The following UST variants were observed in gnomAD, a reference collection of about 807,000 sequenced individuals.
UST encodes the protein chondroitin sulfate 2-O-sulfotransferase.
Under a neutral mutation model 45.6 loss-of-function variants are expected in UST, and 21 were observed. The ratio of observed to expected loss-of-function variants is 0.46; its 90% confidence interval spans 0.33 to 0.66. The LOEUF (loss-of-function observed/expected upper bound fraction) is 0.66. Ranked by LOEUF, UST falls within the 30% of genes least tolerant of loss-of-function variation. The pLI is 0.02. For synonymous variants in UST, 215 were observed against 200.6 expected (o/e 1.07, Z -0.61); for missense variants, 463 against 512.4 (o/e 0.90, Z 0.93).
rs533193534 is a variant in UST, at chr6:148,908,898, T to G, written c.291+21869T>G. Among the ~76,000 whole-genome samples, 13 of 152,166 alleles carry G rather than the reference T, an allele frequency of 8.5e-5. No individual in the cohort carries two copies. In the South Asian group the frequency reaches 2.7e-3, roughly 32 times the overall value. ...TTTATTGGAGGTCTGAGAACTTAAA[T>G]TAGTCTATCAGTTCATGTGAATCTC... On this transcript the variant is annotated intron_variant, in intron 2 of 7. Transcript: ENST00000367463.
intron 1 of UST, among the ~76,000 whole-genome samples, chr6:148,873,672 C>T (rs116384616): frequency 0.012 from 1,855 of 152,274 alleles, 40 homozygotes; most frequent in African/African-American, 0.042. Flanking sequence ...CCCAGGACCT[C>T]CTGATGATTA....
At chr6:148,853,105 T>C (rs1778136740) in intron 1 of UST, among the ~76,000 whole-genome samples, 1 of 152,040 alleles carries the variant, frequency 6.6e-6, no homozygotes, top group South Asian at 2.1e-4. Context: ...TTCCTGATGC[T>C]CTCCCTCCCT....
chr6:148,905,257 C>T (rs189220572), intron 2 of UST, among the ~76,000 whole-genome samples: 88 of 152,296 alleles, frequency 5.8e-4, no homozygotes, highest in Non-Finnish European at 1.1e-3. Context: ...TGACACCCTG[C>T]GAATGAACCC....
At chr6:148,963,218 A>T (rs1478656390) in intron 4 of UST, among the ~76,000 whole-genome samples, 1 of 152,130 alleles carries the variant, frequency 6.6e-6, no homozygotes, top group Non-Finnish European at 1.5e-5. Flanking sequence ...AGCTGGGGAG[A>T]GGCAGGAGCG....
At chr6:149,047,823 T>A (rs1486458958) in intron 7 of UST, among the ~76,000 whole-genome samples, 1 of 152,054 alleles carries the variant, frequency 6.6e-6, no homozygotes, top group Non-Finnish European at 1.5e-5. Flanking sequence ...CTGGAAAAAA[T>A]AAACAAGTGA....
chr6:148,789,152 T>C (rs1295362489), intron 1 of UST, among the ~76,000 whole-genome samples: 1 of 152,234 alleles, frequency 6.6e-6, no homozygotes, highest in Non-Finnish European at 1.5e-5. Flanking sequence ...TACTAGGTTC[T>C]TGGCACAATA....
rs916839369 is a variant in UST, at chr6:148,791,540, GA to G, written c.247+43869del. On this transcript the variant is annotated intron_variant, in intron 1 of 7. Transcript: ENST00000367463. Reference sequence around the variant, plus strand: ...TATTTCCACTCAATTGCTCACTGGGGAAAAAACAAACATGAGTTCTATTCTG... The same window carrying G: ...TATTTCCACTCAATTGCTCACTGGGGAAAAACAAACATGAGTTCTATTCTG... 2.6e-4 allele frequency among the ~76,000 whole-genome samples: 39 copies of G among 152,122 alleles called. 2 individuals are homozygous for G. Among genetic ancestry groups the G allele is most frequent in the Non-Finnish European group, 1.6e-4 (11 of 68,022 alleles).
At chr6:148,866,300 A>C (rs1458197511) in intron 1 of UST, among the ~76,000 whole-genome samples, 2 of 152,162 alleles carry the variant, frequency 1.3e-5, no homozygotes, top group African/African-American at 4.8e-5. Flanking sequence ...CCCCTTTATT[A>C]AATTGCTGAT....
chr6:149,049,679 C>T (rs1776450523), intron 7 of UST, among the ~76,000 whole-genome samples: 2 of 152,258 alleles, frequency 1.3e-5, no homozygotes, highest in African/African-American at 2.4e-5. Flanking sequence ...CTCTCTCTTC[C>T]GTGTTCTTTT....
At chr6:148,833,530 A>G (rs904089975) in intron 1 of UST, among the ~76,000 whole-genome samples, 1 of 152,222 alleles carries the variant, frequency 6.6e-6, no homozygotes. Flanking sequence ...TGGAACCTAT[A>G]GAAAGAAAAC....
chr6:148,904,843 C>G (rs1267352232), intron 2 of UST, among the ~76,000 whole-genome samples: 2 of 152,122 alleles, frequency 1.3e-5, no homozygotes, highest in Non-Finnish European at 2.9e-5. Context: ...TGGTTCTTGT[C>G]TCCAAAGCAT....
intron 7 of UST, among the ~76,000 whole-genome samples, chr6:149,031,383 A>C (rs1776138859): frequency 6.6e-6 from 1 of 152,222 alleles, no homozygotes; most frequent in Non-Finnish European, 1.5e-5. Flanking sequence ...GGCTGATAAC[A>C]TCATTCAGTT....
intron 2 of UST, among the ~76,000 whole-genome samples, chr6:148,938,685 A>G (rs888928745): frequency 6.6e-5 from 10 of 152,076 alleles, no homozygotes; most frequent in Admixed American, 4.6e-4. Flanking sequence ...AATGCTGAGC[A>G]TTCAAAATGG....
intron 1 of UST, among the ~76,000 whole-genome samples, chr6:148,878,665 G>A (rs1187925271): frequency 1.5e-5 from 2 of 136,316 alleles, no homozygotes; most frequent in African/African-American, 5.4e-5. Flanking sequence ...GTGTATAAGT[G>A]CGGGGGTCGT....
chr6:148,946,419 G>A (rs1248297703), intron 3 of UST, among the ~76,000 whole-genome samples: 1 of 148,478 alleles, frequency 6.7e-6, no homozygotes, highest in African/African-American at 2.5e-5. Context: ...GCTGAGGGAA[G>A]AGAATCACTT....
intron 5 of UST, among the ~76,000 whole-genome samples, chr6:148,983,741 AG>A (rs1435814126): frequency 6.6e-6 from 1 of 152,250 alleles, no homozygotes; most frequent in African/African-American, 2.4e-5. Flanking sequence ...GATAAAACTC[AG>A]AAGTGACAGC....
At chr6:148,955,784 T>C (rs1311095661) in intron 4 of UST, 2 of 152,244 alleles carry the variant, frequency 1.3e-5, no homozygotes, top group African/African-American at 4.8e-5. Flanking sequence ...CATGAACACT[T>C]CTTGCTTCAT....
At chr6:148,859,147 C>G (rs1778259292) in intron 1 of UST, among the ~76,000 whole-genome samples, 1 of 152,142 alleles carries the variant, frequency 6.6e-6, no homozygotes, top group South Asian at 2.1e-4. Flanking sequence ...TCTCCACATC[C>G]TCTTCAGCAC....
At chr6:148,865,472 C>T (rs948913112) in intron 1 of UST, among the ~76,000 whole-genome samples, 4 of 151,912 alleles carry the variant, frequency 2.6e-5, no homozygotes, top group African/African-American at 9.7e-5. Context: ...TTCTTAAATT[C>T]CTTTTTCTTT....
Sources: gnomAD v4.1 joint callset for allele counts (sites outside exome capture counted in the v4.1 genomes callset) on GRCh38, gnomAD v4.1.1 for gene constraint, MANE v1.5 for transcripts, NCBI Gene and HGNC (gene_info 2026-07-23, HGNC 2026-07-21) for gene names.